The following CDK6 variants were observed in gnomAD, a reference collection of about 807,000 sequenced individuals.
The protein encoded by CDK6 is cyclin dependent kinase 6, also known as cyclin-dependent kinase 6.
Under a neutral mutation model 37.1 loss-of-function variants are expected in CDK6, and 6 were observed. That is an observed-to-expected ratio of 0.16 (90% CI 0.09 to 0.32). CDK6 has a LOEUF of 0.32. Among genes scored for constraint, CDK6 ranks in the 10% least tolerant of loss-of-function variants. The pLI is 1.00. For synonymous variants in CDK6, 160 were observed against 161.3 expected, an observed-to-expected ratio of 0.99 and a Z score of 0.06; for missense variants, 224 against 418.9, an observed-to-expected ratio of 0.53 and a Z score of 4.06.
At chr7:92,817,659 A>G (rs1420573760) in intron 2 of CDK6, among the ~76,000 whole-genome samples, 1 of 151,786 alleles carries the variant, frequency 6.6e-6, no homozygotes, top group African/African-American at 2.4e-5. Flanking sequence ...GGGCAAAAAA[A>G]GAAAGGAAAA....
chr7:92,651,150 A>G (rs1047482187), intron 5 of CDK6, among the ~76,000 whole-genome samples: 1 of 152,160 alleles, frequency 6.6e-6, no homozygotes, highest in African/African-American at 2.4e-5. Context: ...ACGGCCTCCC[A>G]AAGTGTTGGG....
rs374689250 is a variant in CDK6, at chr7:92,801,655, CTCTT to C, written c.234-26828_234-26825del. 3.2e-3 allele frequency among the ~76,000 whole-genome samples: 490 copies of C among 151,250 alleles called. 4 individuals carry two copies. Among genetic ancestry groups the C allele is most frequent in the South Asian group, 0.027 (128 of 4,768 alleles). On this transcript the variant is annotated intron_variant, in intron 2 of 7. Coordinates refer to ENST00000424848, the MANE Select transcript of CDK6 (RefSeq NM_001145306.2). ...CTTCTTCCCTCCCTTCTCTCTTTCT[CTCTT>C]TCTTTCTTTTGGAGTGCAGTGGTGT...
chr7:92,667,220 T>A, intron 5 of CDK6, among the ~76,000 whole-genome samples: 1 of 152,218 alleles, frequency 6.6e-6, no homozygotes, highest in East Asian at 1.9e-4. Flanking sequence ...TTATTTATTT[T>A]TTTTAGACAC....
rs187294301 is a variant in CDK6, at chr7:92,670,365, C to T, written c.647+1061G>A. ...CCAAAAATTTGTTACATGCACAAAA[C>T]TTTGTTTGGTTAAAACCAACCAAAC... On this transcript the variant is annotated intron_variant, in intron 5 of 7. Coordinates refer to ENST00000424848, the MANE Select transcript of CDK6 (RefSeq NM_001145306.2). Among the ~76,000 whole-genome samples, 144 of 152,264 alleles carry T rather than the reference C, an allele frequency of 9.5e-4. 3 individuals carry two copies. The South Asian group carries it at 0.015, about 15-fold the overall frequency.
intron 2 of CDK6, among the ~76,000 whole-genome samples, chr7:92,816,453 C>T (rs1801031664): frequency 6.6e-6 from 1 of 152,024 alleles, no homozygotes; most frequent in South Asian, 2.1e-4. Context: ...GTATTAGAAT[C>T]ATACAGAATT....
Position 92,645,554 on chromosome 7 carries a change from G to A in CDK6, c.648-22468C>T, listed in dbSNP as rs3731335. Among the ~76,000 whole-genome samples, 774 of 152,350 alleles carry A rather than the reference G, an allele frequency of 5.1e-3. 6 individuals carry two copies. Among genetic ancestry groups the A allele is most frequent in the African/African-American group, 0.018 (742 of 41,572 alleles). On this transcript the variant is annotated intron_variant, in intron 5 of 7. Transcript: ENST00000424848. ...TGTGCTCCTGCAACCCGGGGAGGGGGCTCCTGATGACTTCACAGTGAAGCC... is the reference window on the plus strand; with the variant it reads ...TGTGCTCCTGCAACCCGGGGAGGGGACTCCTGATGACTTCACAGTGAAGCC...
At chr7:92,831,708 C>A (rs988865769) in intron 2 of CDK6, among the ~76,000 whole-genome samples, 3 of 152,152 alleles carry the variant, frequency 2.0e-5, no homozygotes, top group East Asian at 3.8e-4. Context: ...ACTTTATAAC[C>A]ATTTACTGCC....
At chr7:92,794,981 G>C (rs1392846278) in intron 2 of CDK6, among the ~76,000 whole-genome samples, 1 of 152,110 alleles carries the variant, frequency 6.6e-6, no homozygotes, top group African/African-American at 2.4e-5. Context: ...AGTAGGGCTA[G>C]AAAAACTGGA....
intron 5 of CDK6, among the ~76,000 whole-genome samples, chr7:92,623,769 C>A (rs548519550): frequency 6.6e-6 from 1 of 152,160 alleles, no homozygotes; most frequent in East Asian, 1.9e-4. Flanking sequence ...GATCAAGTAG[C>A]CCCTTGAGGG....
chr7:92,640,165 A>T (rs1199171651), intron 5 of CDK6, among the ~76,000 whole-genome samples: 1 of 152,132 alleles, frequency 6.6e-6, no homozygotes, highest in Non-Finnish European at 1.5e-5. Context: ...CATGGAACGT[A>T]TATGTATCCT....
At chr7:92,777,481 G>C (rs1028243253) in intron 2 of CDK6, among the ~76,000 whole-genome samples, 1 of 152,188 alleles carries the variant, frequency 6.6e-6, no homozygotes. Context: ...CCTGACCTTA[G>C]GTGACCTGCC....
chr7:92,673,480 A>G (rs1205629022), intron 4 of CDK6, among the ~76,000 whole-genome samples: 1 of 152,210 alleles, frequency 6.6e-6, no homozygotes, highest in African/African-American at 2.4e-5. Context: ...ACAAAACACA[A>G]AACTGACAAT....
At chr7:92,667,174 A>G (rs1472940960) in intron 5 of CDK6, among the ~76,000 whole-genome samples, 1 of 152,176 alleles carries the variant, frequency 6.6e-6, no homozygotes, top group Non-Finnish European at 1.5e-5. Context: ...TATAAAGAAA[A>G]GATTTTGTAT....
chr7:92,672,160 T>TATATACACACAC (rs1210519115), intron 4 of CDK6, among the ~76,000 whole-genome samples: 6 of 79,086 alleles, frequency 7.6e-5, no homozygotes, highest in Non-Finnish European at 1.4e-4. Context: ...TATATATATA[T>TATATACACACAC]ACACATACAC....
chr7:92,764,866 A>G (rs1021487333), intron 3 of CDK6, among the ~76,000 whole-genome samples: 1 of 152,226 alleles, frequency 6.6e-6, no homozygotes, highest in Non-Finnish European at 1.5e-5. Flanking sequence ...CAGATAACTG[A>G]TGGATACCTA....
At position 92,833,594 on chromosome 7, in the gene CDK6, G is replaced by A; in HGVS notation, c.-271C>T. On this transcript the variant is annotated 5_prime_UTR_variant, in exon 2 of 8. Coordinates refer to ENST00000424848, the MANE Select transcript of CDK6 (RefSeq NM_001145306.2). This position sits in a 1 kb window ranked among gnomAD's most constrained non-coding sequence, Gnocchi z 6.1. Reference sequence around the variant, plus strand: ...GCCGCCGCCGCCGCCGGAGGAGCGAGCCGATCCCTCCTCTTCCCTCCTCGA... The same window carrying A: ...GCCGCCGCCGCCGCCGGAGGAGCGAACCGATCCCTCCTCTTCCCTCCTCGA... The A allele has an allele frequency of 3.7e-6, 2 of 546,878 alleles. No homozygotes were observed. The highest frequency in any genetic ancestry group is 6.3e-6 in the Non-Finnish European group (2 of 316,460). The allele number at this position is 546,878 out of a possible 1,614,324, so 33.9% of individuals were successfully genotyped here.
chr7:92,692,006 G>A (rs1346401449), intron 4 of CDK6, among the ~76,000 whole-genome samples: 1 of 152,154 alleles, frequency 6.6e-6, no homozygotes, highest in Non-Finnish European at 1.5e-5. Context: ...GGTGGCTCAC[G>A]CTGGTAATCC....
At chr7:92,616,119 G>T (rs1317837616) in intron 7 of CDK6, among the ~76,000 whole-genome samples, 1 of 152,208 alleles carries the variant, frequency 6.6e-6, no homozygotes, top group South Asian at 2.1e-4. Context: ...AAGTAGCAGG[G>T]AAGCCACACT....
intron 3 of CDK6, among the ~76,000 whole-genome samples, chr7:92,745,161 T>C (rs1799028836): frequency 6.6e-6 from 1 of 152,206 alleles, no homozygotes; most frequent in South Asian, 2.1e-4. Flanking sequence ...ATTCAGAAGT[T>C]TTAATTATGC....
Sources: gnomAD v4.1 joint callset for allele counts (sites outside exome capture counted in the v4.1 genomes callset) on GRCh38, gnomAD v4.1.1 for gene constraint, Gnocchi (gnomAD v3.1) non-coding constraint, MANE v1.5 for transcripts, NCBI Gene and HGNC (gene_info 2026-07-23, HGNC 2026-07-21) for gene names.